Variants in MCPH1 observed in about 807,000 individuals in gnomAD.
MCPH1 encodes the protein microcephalin 1, also known as microcephalin.
Under a neutral mutation model 84.5 loss-of-function variants are expected in MCPH1, and 104 were observed. That is an observed-to-expected ratio of 1.23 (90% CI 1.05 to 1.45). The LOEUF (loss-of-function observed/expected upper bound fraction) is 1.45. Among genes scored for constraint, MCPH1 ranks in the 40% most tolerant of loss-of-function variants. The pLI is 0.00. For missense variants in MCPH1, 1,498 were observed against 1,005.7 expected, an observed-to-expected ratio of 1.49 and a Z score of -6.62; for synonymous variants, 514 against 366.8, an observed-to-expected ratio of 1.40 and a Z score of -4.58.
intron 12 of MCPH1, among the ~76,000 whole-genome samples, chr8:6,583,852 G>GT (rs754820695): frequency 0.072 from 9,365 of 129,466 alleles, 885 homozygotes; most frequent in East Asian, 0.36. Flanking sequence ...TTCATTTCTT[G>GT]TTTTGTTTTT....
At position 6,549,687 on chromosome 8, in the gene MCPH1, A is replaced by G. The variant is rs188412092; in HGVS notation, c.2214+49758A>G. 4.0e-3 allele frequency among the ~76,000 whole-genome samples: 573 copies of G among 144,306 alleles called. 1 individual carries two copies. The highest frequency in any genetic ancestry group is 5.9e-3 in the Non-Finnish European group (391 of 65,920). The allele number at this position is 144,306 out of a possible 152,430, so 94.7% of individuals were successfully genotyped here. ...GCCTGCAGGGGAAGAAGCCTTCCGT[A>G]TCGAGCTGGGCGGTCATTACACAGG... is the stretch of plus-strand genomic sequence containing the variant. On this transcript the variant is annotated intron_variant, in intron 12 of 13. Transcript: ENST00000344683.
chr8:6,630,522 C>T (rs1797073831), intron 13 of MCPH1, among the ~76,000 whole-genome samples: 1 of 152,094 alleles, frequency 6.6e-6, no homozygotes. Context: ...TGGCTCACGC[C>T]TGTAATCCCA....
intron 12 of MCPH1, among the ~76,000 whole-genome samples, chr8:6,576,706 T>A (rs1230151281): frequency 1.1e-5 from 1 of 93,130 alleles, no homozygotes; most frequent in Non-Finnish European, 2.1e-5. Context: ...TTTTTTTTTT[T>A]TTTTTTTTTT....
intron 9 of MCPH1, among the ~76,000 whole-genome samples, chr8:6,476,710 C>G (rs1161631627): frequency 1.3e-5 from 2 of 152,198 alleles, no homozygotes; most frequent in African/African-American, 2.4e-5. Flanking sequence ...TGGGGTCCTT[C>G]AAATGCCTTT....
chr8:6,442,366 C>T (rs1274617392), intron 7 of MCPH1, among the ~76,000 whole-genome samples: 1 of 151,724 alleles, frequency 6.6e-6, no homozygotes, highest in Non-Finnish European at 1.5e-5. Context: ...TTTTCCTAGG[C>T]ATTTGCTTTC....
intron 12 of MCPH1, among the ~76,000 whole-genome samples, chr8:6,549,854 T>C (rs1424378463): frequency 6.6e-6 from 1 of 152,178 alleles, no homozygotes; most frequent in Non-Finnish European, 1.5e-5. Flanking sequence ...ATTTGTGAAT[T>C]TTATTCTGTG....
At chr8:6,504,797 C>G (rs1812949021) in intron 12 of MCPH1, among the ~76,000 whole-genome samples, 2 of 152,062 alleles carry the variant, frequency 1.3e-5, no homozygotes, top group African/African-American at 4.8e-5. Flanking sequence ...AGTTTACAAA[C>G]TAAACTTTGT....
chr8:6,486,333 C>G (rs1809921461), intron 11 of MCPH1, among the ~76,000 whole-genome samples: 1 of 151,984 alleles, frequency 6.6e-6, no homozygotes, highest in Non-Finnish European at 1.5e-5. Flanking sequence ...CCTCCTCCTT[C>G]TAACCCTGTC....
At chr8:6,463,591 G>C (rs940531297) in intron 9 of MCPH1, among the ~76,000 whole-genome samples, 24 of 152,140 alleles carry the variant, frequency 1.6e-4, no homozygotes, top group African/African-American at 4.6e-4. Context: ...GGAATAAAAA[G>C]AGTACTAGAT....
chr8:6,511,954 A>G (rs916693134), intron 12 of MCPH1, among the ~76,000 whole-genome samples: 5 of 151,658 alleles, frequency 3.3e-5, no homozygotes, highest in African/African-American at 1.2e-4. Flanking sequence ...TGCCAGTTGA[A>G]AAAATATTTA....
At chr8:6,524,997 T>C (rs1404511547) in intron 12 of MCPH1, among the ~76,000 whole-genome samples, 1 of 152,228 alleles carries the variant, frequency 6.6e-6, no homozygotes, top group Non-Finnish European at 1.5e-5. Context: ...TGAATATCTA[T>C]CTAAATAAAG....
intron 9 of MCPH1, among the ~76,000 whole-genome samples, chr8:6,455,999 A>G (rs1320969167): frequency 1.3e-5 from 2 of 152,136 alleles, no homozygotes; most frequent in Non-Finnish European, 2.9e-5. Context: ...GCTTGAACAG[A>G]TGGGCGGCTG....
chr8:6,629,889 G>T (rs559049937), intron 13 of MCPH1, among the ~76,000 whole-genome samples: 9 of 152,272 alleles, frequency 5.9e-5, no homozygotes, highest in African/African-American at 2.2e-4. Context: ...TAAGAAGCAG[G>T]ATCTTAGGCT....
chr8:6,419,454 G>A (rs571876887), intron 3 of MCPH1, among the ~76,000 whole-genome samples: 100 of 151,558 alleles, frequency 6.6e-4, no homozygotes, highest in African/African-American at 2.3e-3. Flanking sequence ...GTGCAGTGGC[G>A]CAATCTCGGC....
At chr8:6,485,694 G>C (rs149257021) in intron 11 of MCPH1, among the ~76,000 whole-genome samples, 353 of 152,172 alleles carry the variant, frequency 2.3e-3, no homozygotes, top group African/African-American at 8.0e-3. Context: ...ATCAACTCTT[G>C]GGAGATTGCG....
intron 8 of MCPH1, among the ~76,000 whole-genome samples, chr8:6,447,853 A>AT (rs1173707734): frequency 2.0e-5 from 3 of 151,888 alleles, no homozygotes; most frequent in African/African-American, 7.3e-5. Context: ...CCGGCCAACA[A>AT]TTTTGTTTTC....
chr8:6,518,458 C>T (rs566195780), intron 12 of MCPH1, among the ~76,000 whole-genome samples: 2 of 152,248 alleles, frequency 1.3e-5, no homozygotes, highest in East Asian at 3.9e-4. Flanking sequence ...AACTAATTTT[C>T]AGGGTTGATT....
At chr8:6,513,942 A>G (rs890253913) in intron 12 of MCPH1, 7 of 1,169,022 alleles carry the variant, frequency 6.0e-6, no homozygotes, top group African/African-American at 3.2e-5. Flanking sequence ...TAACTATCAA[A>G]TAGCAGAAAT....
chr8:6,407,800 GC>G (rs977949303), intron 1 of MCPH1, among the ~76,000 whole-genome samples: 2 of 152,108 alleles, frequency 1.3e-5, no homozygotes, highest in Non-Finnish European at 2.9e-5. Context: ...CACTCACTAT[GC>G]CCCCCAGGCC....
Sources: allele counts gnomAD v4.1 joint callset (sites outside exome capture counted in the v4.1 genomes callset), GRCh38; gene constraint gnomAD v4.1.1; transcripts MANE v1.5; gene names NCBI Gene and HGNC (gene_info 2026-07-23, HGNC 2026-07-21).